DENND4A: variants seen among roughly 807,000 people sequenced by gnomAD.
DENND4A encodes C-myc promoter-binding protein.
Under a neutral mutation model 199.3 loss-of-function variants are expected in DENND4A, and 70 were observed. The ratio of observed to expected loss-of-function variants is 0.35; its 90% CI spans 0.29 to 0.43. DENND4A has a LOEUF of 0.43. Ranked by LOEUF, DENND4A falls within the 20% of genes least tolerant of loss-of-function variation. The probability of loss-of-function intolerance (pLI) is 1.00; values close to 1 mark genes in which losing one functional copy is unlikely to be tolerated. For missense variants in DENND4A, 1,723 were observed against 2,255.8 expected (o/e 0.76, Z 4.78); for synonymous variants, 686 against 766.9 (o/e 0.89, Z 1.74).
At chr15:65,784,152 C>G (rs544237215) in intron 1 of DENND4A, among the ~76,000 whole-genome samples, 1 of 152,134 alleles carries the variant, frequency 6.6e-6, no homozygotes, top group South Asian at 2.1e-4. Flanking sequence ...CAGACAAACC[C>G]AAACTGAGGG....
Position 65,747,910 on chromosome 15 carries a change from C to T in DENND4A, c.561+4469G>A, listed in dbSNP as rs539468791. On this transcript the variant is annotated intron_variant, in intron 4 of 32. Transcript: ENST00000443035. ...ACAAAAATAGTCAGGCGTGGTGGCG[C>T]GCGCCTGTAATCCCAGCTACTCAGG... Among the ~76,000 whole-genome samples, 36 of 151,390 alleles carry T rather than the reference C, an allele frequency of 2.4e-4. No individual in the cohort carries two copies. In the South Asian group the frequency reaches 4.6e-3, roughly 19 times the overall value.
At chr15:65,733,462 T>C (rs1051485398) in intron 7 of DENND4A, among the ~76,000 whole-genome samples, 7 of 152,294 alleles carry the variant, frequency 4.6e-5, no homozygotes, top group Admixed American at 6.5e-5. Flanking sequence ...AATATGTTTG[T>C]ATTATTTTTT....
At chr15:65,682,964 T>C (rs1288895112) in intron 23 of DENND4A, among the ~76,000 whole-genome samples, 1 of 152,144 alleles carries the variant, frequency 6.6e-6, no homozygotes, top group Admixed American at 6.5e-5. Context: ...CTCAAAACTA[T>C]TACAATAATA....
intron 12 of DENND4A, among the ~76,000 whole-genome samples, chr15:65,720,108 T>A (rs1395783390): frequency 6.6e-6 from 1 of 152,160 alleles, no homozygotes; most frequent in Non-Finnish European, 1.5e-5. Context: ...AACATTAAGA[T>A]GATAACTGGC....
At chr15:65,683,084 G>T (rs904091261) in intron 23 of DENND4A, among the ~76,000 whole-genome samples, 1 of 152,140 alleles carries the variant, frequency 6.6e-6, no homozygotes, top group Non-Finnish European at 1.5e-5. Flanking sequence ...GTAAGCACAC[G>T]CTGTTGGAAA....
chr15:65,758,623 TTAAC>T (rs1262535033), intron 2 of DENND4A, among the ~76,000 whole-genome samples: 1 of 152,212 alleles, frequency 6.6e-6, no homozygotes, highest in Non-Finnish European at 1.5e-5. Context: ...ATTTGTTTCT[TTAAC>T]TAGGAGAATA....
intron 1 of DENND4A, among the ~76,000 whole-genome samples, chr15:65,786,320 C>T (rs2077565598): frequency 6.6e-6 from 1 of 152,096 alleles, no homozygotes; most frequent in African/African-American, 2.4e-5. Flanking sequence ...AAAAAGCAAG[C>T]TTTAAAATCC....
At chr15:65,777,648 G>A (rs371662264) in intron 1 of DENND4A, among the ~76,000 whole-genome samples, 4 of 151,798 alleles carry the variant, frequency 2.6e-5, no homozygotes, top group East Asian at 1.9e-4. Flanking sequence ...CCACTGCACC[G>A]GGCCACAAAC....
intron 1 of DENND4A, among the ~76,000 whole-genome samples, chr15:65,785,656 A>C (rs1454151141): frequency 6.6e-6 from 1 of 152,100 alleles, no homozygotes; most frequent in African/African-American, 2.4e-5. Context: ...TGCTTCAGAT[A>C]TATATTTAAT....
At chr15:65,754,973 T>C (rs920986464) in intron 3 of DENND4A, among the ~76,000 whole-genome samples, 4 of 152,214 alleles carry the variant, frequency 2.6e-5, no homozygotes, top group Admixed American at 2.0e-4. Context: ...CATGGCAATA[T>C]TATTTATAAT....
In DENND4A at chr15:65,664,305, CATATTAG is replaced by C. The variant is rs2075968520; in HGVS notation, c.5587+18_5587+24del. 7.0e-6 allele frequency: 9 copies of C among 1,282,312 alleles called. No homozygotes were observed. The Admixed American group carries it at 1.0e-4, about 14-fold the overall frequency. The allele number at this position is 1,282,312 out of a possible 1,614,324, so 79.4% of individuals were successfully genotyped here. Reference sequence around the variant, plus strand: ...ACTATTCCATGATATATAAATATTACATATTAGATATAAAGCTAAATTACCTATATCA... The same window carrying C: ...ACTATTCCATGATATATAAATATTACATATAAAGCTAAATTACCTATATCA... On this transcript the variant is annotated intron_variant, in intron 32 of 32. Transcript: ENST00000443035.
intron 1 of DENND4A, among the ~76,000 whole-genome samples, chr15:65,774,535 G>A (rs763436475): frequency 2.0e-5 from 3 of 151,324 alleles, no homozygotes; most frequent in Non-Finnish European, 4.4e-5. Flanking sequence ...AGGCATGGTG[G>A]TGTGCACCTG....
chr15:65,704,884 G>A (rs558542927), intron 15 of DENND4A, among the ~76,000 whole-genome samples: 32 of 152,176 alleles, frequency 2.1e-4, no homozygotes, highest in South Asian at 2.1e-3. Flanking sequence ...AAGCCACCGC[G>A]TCTGGCCAAA....
chr15:65,734,812 T>C (rs1048801559), intron 7 of DENND4A, among the ~76,000 whole-genome samples: 2 of 152,212 alleles, frequency 1.3e-5, no homozygotes, highest in African/African-American at 4.8e-5. Flanking sequence ...AGTATGATGT[T>C]GGCCAGGCGC....
chr15:65,768,380 C>A (rs557233899), intron 1 of DENND4A, among the ~76,000 whole-genome samples: 2 of 152,196 alleles, frequency 1.3e-5, no homozygotes, highest in Admixed American at 1.3e-4. Context: ...AGAAAATGTA[C>A]AACTCCAGGA....
intron 7 of DENND4A, among the ~76,000 whole-genome samples, chr15:65,734,077 G>T (rs1448035249): frequency 6.6e-6 from 1 of 152,118 alleles, no homozygotes; most frequent in Non-Finnish European, 1.5e-5. Flanking sequence ...ACCTGTAAAG[G>T]GTCTGTGCTG....
At chr15:65,724,865 T>C (rs1040770564) in intron 11 of DENND4A, among the ~76,000 whole-genome samples, 1 of 152,210 alleles carries the variant, frequency 6.6e-6, no homozygotes, top group African/African-American at 2.4e-5. Context: ...ATTCACTGCA[T>C]AGTGCCTGTC....
In DENND4A at chr15:65,756,107, C is replaced by T. The variant is rs760179637; in HGVS notation, c.311+33G>A. On this transcript the variant is annotated intron_variant, in intron 3 of 32. Transcript: ENST00000443035. Reference sequence around the variant, plus strand: ...AATCTACAAGGCATATTATTTGGATCAATAACAGTAAGTCGTTTAAAAAAA... The same window carrying T: ...AATCTACAAGGCATATTATTTGGATTAATAACAGTAAGTCGTTTAAAAAAA... 1.6e-4 allele frequency: 241 copies of T among 1,525,886 alleles called. 1 individual carries two copies. Among genetic ancestry groups the T allele is most frequent in the Admixed American group, 2.5e-4 (12 of 47,920 alleles). The allele number at this position is 1,525,886 out of a possible 1,614,324, so 94.5% of individuals were successfully genotyped here. A position where few individuals can be genotyped will look rare whatever the true frequency, so the allele number is the denominator to read the frequency against.
chr15:65,698,458 G>T (rs865828036), intron 20 of DENND4A, among the ~76,000 whole-genome samples: 1 of 152,036 alleles, frequency 6.6e-6, no homozygotes, highest in South Asian at 2.1e-4. Context: ...GTTTGGATTT[G>T]AAGTTCCCAA....
Sources: gnomAD v4.1 joint callset for allele counts (sites outside exome capture counted in the v4.1 genomes callset) on GRCh38, gnomAD v4.1.1 for gene constraint, MANE v1.5 for transcripts, NCBI Gene and HGNC (gene_info 2026-07-23, HGNC 2026-07-21) for gene names.